The following FRMD5 variants were observed in gnomAD, a reference collection of about 807,000 sequenced individuals.
FRMD5 encodes FERM domain-containing protein 5.
Under a neutral mutation model 69.0 loss-of-function variants are expected in FRMD5, and 20 were observed. The observed-to-expected ratio is 0.29, with a 90% CI of 0.20 to 0.42. The LOEUF is 0.42. Among genes scored for constraint, FRMD5 ranks in the 10% least tolerant of loss-of-function variants. The pLI is 1.00. For synonymous variants in FRMD5, 271 were observed against 260.1 expected, an observed-to-expected ratio of 1.04 and a Z score of -0.40; for missense variants, 595 against 708.6, an observed-to-expected ratio of 0.84 and a Z score of 1.82.
At chr15:44,027,171 A>C (rs565188172) in intron 1 of FRMD5, among the ~76,000 whole-genome samples, 1 of 152,180 alleles carries the variant, frequency 6.6e-6, no homozygotes, top group Non-Finnish European at 1.5e-5. Flanking sequence ...TCTTCTCTAT[A>C]TTACGTCCCT....
At chr15:44,015,437 T>C (rs891490790) in intron 1 of FRMD5, among the ~76,000 whole-genome samples, 1 of 152,184 alleles carries the variant, frequency 6.6e-6, no homozygotes, top group African/African-American at 2.4e-5. Flanking sequence ...CAACCGTGCC[T>C]GGCCCTGAAG....
intron 1 of FRMD5, among the ~76,000 whole-genome samples, chr15:44,022,747 T>C (rs1891265897): frequency 1.3e-5 from 2 of 152,096 alleles, no homozygotes; most frequent in African/African-American, 4.8e-5. Context: ...TTACTTTCCT[T>C]CTAATGGAGA....
chr15:43,891,597 C>T (rs1343804303), intron 8 of FRMD5, among the ~76,000 whole-genome samples: 1 of 152,156 alleles, frequency 6.6e-6, no homozygotes, highest in African/African-American at 2.4e-5. Context: ...GGCACTAAGC[C>T]ATCCACAGAG....
At position 44,108,965 on chromosome 15, in the gene FRMD5, AAAAATAAAAT is replaced by A. The variant is rs3986153; in HGVS notation, c.102+85978_102+85987del. On this transcript the variant is annotated intron_variant, in intron 1 of 13. Coordinates refer to ENST00000417257, the MANE Select transcript of FRMD5 (RefSeq NM_032892.5). ...AACAGAGTGAGACTTCTCTCTAAAT[AAAAATAAAAT>A]AAAATAAAATAAAATAAAATAAAAT... Among the ~76,000 whole-genome samples, 1,233 of 136,872 alleles carry A rather than the reference AAAAATAAAAT, an allele frequency of 9.0e-3. 11 individuals carry two copies. Among genetic ancestry groups the A allele is most frequent in the South Asian group, 0.014 (54 of 3,942 alleles). The allele number at this position is 136,872 out of a possible 152,430, so 89.8% of individuals were successfully genotyped here.
intron 1 of FRMD5, among the ~76,000 whole-genome samples, chr15:44,176,914 C>A (rs2140548989): frequency 6.7e-6 from 1 of 149,326 alleles, no homozygotes; most frequent in Admixed American, 6.7e-5. Context: ...TGCACATGTA[C>A]CCTAAAACTT....
chr15:44,180,645 C>T (rs1419351816), intron 1 of FRMD5, among the ~76,000 whole-genome samples: 2 of 151,996 alleles, frequency 1.3e-5, no homozygotes, highest in Non-Finnish European at 2.9e-5. Flanking sequence ...ATTAGCCAGG[C>T]GTGGTGGTGG....
intron 5 of FRMD5, among the ~76,000 whole-genome samples, chr15:43,906,428 C>T (rs1566827001): frequency 6.6e-6 from 1 of 152,150 alleles, no homozygotes; most frequent in East Asian, 1.9e-4. Context: ...GATGAATGAG[C>T]TGCGATCCAA....
chr15:44,036,440 G>C (rs909023477), intron 1 of FRMD5, among the ~76,000 whole-genome samples: 2 of 152,094 alleles, frequency 1.3e-5, no homozygotes, highest in Non-Finnish European at 2.9e-5. Context: ...TGTTTAGAGA[G>C]TATAGGCACC....
chr15:43,888,750 C>T, intron 9 of FRMD5, 59 bp downstream of exon 9: 1 of 1,466,666 alleles, frequency 6.8e-7, no homozygotes, highest in South Asian at 1.2e-5. Flanking sequence ...TTGGCTCTGG[C>T]CACCAGGAAG....
chr15:43,978,703 C>T (rs996170010), intron 1 of FRMD5, among the ~76,000 whole-genome samples: 3 of 152,084 alleles, frequency 2.0e-5, no homozygotes, highest in African/African-American at 7.2e-5. Context: ...AGGTACCCAC[C>T]ACCACATCCA....
intron 5 of FRMD5, among the ~76,000 whole-genome samples, chr15:43,908,719 A>G (rs780018475): frequency 6.6e-6 from 1 of 152,154 alleles, no homozygotes; most frequent in Non-Finnish European, 1.5e-5. Flanking sequence ...ACGTGTGTGA[A>G]GAGTGCATAT....
chr15:43,941,756 G>C (rs913310917), intron 1 of FRMD5, among the ~76,000 whole-genome samples: 10 of 151,988 alleles, frequency 6.6e-5, no homozygotes, highest in African/African-American at 1.9e-4. Context: ...AACTAAGGGC[G>C]GGGGGGCGTT....
intron 1 of FRMD5, among the ~76,000 whole-genome samples, chr15:43,935,925 G>A (rs2089753448): frequency 6.6e-6 from 1 of 152,216 alleles, no homozygotes; most frequent in South Asian, 2.1e-4. Flanking sequence ...TCTAATCTGA[G>A]CAAGGCACTA....
chr15:44,096,424 A>T (rs552706937), intron 1 of FRMD5, among the ~76,000 whole-genome samples: 1 of 142,986 alleles, frequency 7.0e-6, no homozygotes, highest in African/African-American at 2.6e-5. Context: ...TTTTTTTTAG[A>T]CAGAGTCTTG....
chr15:44,102,195 A>C (rs1297029883), intron 1 of FRMD5, among the ~76,000 whole-genome samples: 1 of 152,220 alleles, frequency 6.6e-6, no homozygotes, highest in African/African-American at 2.4e-5. Flanking sequence ...CTCTGATTAG[A>C]GAATGTGAGG....
chr15:43,952,991 A>T (rs1320561165), intron 1 of FRMD5, among the ~76,000 whole-genome samples: 2 of 152,170 alleles, frequency 1.3e-5, no homozygotes, highest in Non-Finnish European at 2.9e-5. Context: ...CTGCTGAAGA[A>T]CCCCAGAAGC....
chr15:43,940,816 G>A (rs1450704130), intron 1 of FRMD5, among the ~76,000 whole-genome samples: 1 of 152,182 alleles, frequency 6.6e-6, no homozygotes, highest in Non-Finnish European at 1.5e-5. Context: ...AATTAGCAAG[G>A]AGGCTGGGAG....
chr15:44,197,058 G>A (rs1172732855), upstream of FRMD5, among the ~76,000 whole-genome samples: 3 of 152,126 alleles, frequency 2.0e-5, no homozygotes, highest in East Asian at 3.9e-4. Flanking sequence ...AAAATTAGCC[G>A]GGTGTGGTGG....
intron 1 of FRMD5, among the ~76,000 whole-genome samples, chr15:43,998,026 G>T (rs995846128): frequency 6.6e-6 from 1 of 151,978 alleles, no homozygotes; most frequent in Non-Finnish European, 1.5e-5. Context: ...TTTGTGTGAG[G>T]TATTTCCTAC....
Sources: allele counts gnomAD v4.1 joint callset (sites outside exome capture counted in the v4.1 genomes callset), GRCh38; gene constraint gnomAD v4.1.1; transcripts MANE v1.5; gene names NCBI Gene and HGNC (gene_info 2026-07-23, HGNC 2026-07-21).